Variants in NAV3 observed in about 807,000 individuals in gnomAD.
NAV3 encodes pore membrane and/or filament interacting like protein 1.
NAV3 carries 87 observed loss-of-function variants against 244.7 expected under a neutral mutation model. The ratio of observed to expected loss-of-function variants is 0.36; its 90% CI spans 0.30 to 0.42. The LOEUF is 0.42. NAV3 is among the 20% of genes least tolerant of loss of function. NAV3 has a pLI of 1.00. For missense variants in NAV3, 2,663 were observed against 2,893.3 expected, an observed-to-expected ratio of 0.92 and a Z score of 1.83; for synonymous variants, 1,126 against 1,042.2, an observed-to-expected ratio of 1.08 and a Z score of -1.55.
At chr12:77,951,443 A>G (rs909482616) in intron 3 of NAV3, among the ~76,000 whole-genome samples, 2 of 152,144 alleles carry the variant, frequency 1.3e-5, no homozygotes, top group African/African-American at 4.8e-5. Flanking sequence ...GGATGTGGAG[A>G]AATGGGAACA....
At chr12:78,170,633 A>G (rs1212222390) in intron 24 of NAV3, among the ~76,000 whole-genome samples, 1 of 151,770 alleles carries the variant, frequency 6.6e-6, no homozygotes, top group Admixed American at 6.6e-5. Flanking sequence ...TTCATAACCA[A>G]TTAAGTGCCA....
intron 2 of NAV3, among the ~76,000 whole-genome samples, chr12:77,759,056 G>C (rs1371179133): frequency 6.6e-6 from 1 of 152,190 alleles, no homozygotes; most frequent in African/African-American, 2.4e-5. Flanking sequence ...GTGGCTAGCA[G>C]CTGCCACATT....
intron 12 of NAV3, among the ~76,000 whole-genome samples, chr12:78,086,515 T>C (rs1953646754): frequency 6.6e-6 from 1 of 152,100 alleles, no homozygotes; most frequent in Admixed American, 6.6e-5. Flanking sequence ...CACATACTTA[T>C]TGCTACCAAT....
chr12:77,692,689 T>C (rs1875091041), intron 2 of NAV3, among the ~76,000 whole-genome samples: 1 of 152,126 alleles, frequency 6.6e-6, no homozygotes. Context: ...TATGTTTCAT[T>C]GTTCAGTCAT....
At chr12:77,711,489 G>A (rs572235923) in intron 2 of NAV3, among the ~76,000 whole-genome samples, 2 of 152,306 alleles carry the variant, frequency 1.3e-5, no homozygotes, top group Middle Eastern at 3.4e-3. Flanking sequence ...AATGGGAAAA[G>A]GGTCAAGAAC....
chr12:78,078,230 G>A (rs1953152242), intron 12 of NAV3, among the ~76,000 whole-genome samples: 1 of 152,122 alleles, frequency 6.6e-6, no homozygotes, highest in Non-Finnish European at 1.5e-5. Context: ...ATATTCTGAG[G>A]TTCTAGGGTT....
chr12:78,211,471 CTTTTT>C lies in NAV3; in HGVS notation c.*964_*968del. The C allele has an allele frequency of 6.9e-6, 1 of 144,754 alleles. No homozygotes were observed. The highest frequency in any genetic ancestry group is 1.5e-5 in the Non-Finnish European group (1 of 66,252). 9.0% of individuals were successfully genotyped at this position (144,754 alleles called of 1,614,324 possible). ...TAGCCTCATCTCTATATATCTTTCT[CTTTTT>C]TTTTTTTTTGAAGAAATGGATAGGA... On this transcript the variant is annotated 3_prime_UTR_variant, in exon 40 of 40. Transcript: ENST00000397909.
Position 77,654,294 on chromosome 12 carries a change from G to A in NAV3, c.72+82028G>A, listed in dbSNP as rs144803726. ...ACGGGCTTAAAAAATGGCGCGCCAC[G>A]AGATTATATCCTGCACCTGGCTCGG... On this transcript the variant is annotated intron_variant, in intron 2 of 8. Transcript: ENST00000550042. 6.2e-3 allele frequency among the ~76,000 whole-genome samples: 944 copies of A among 152,376 alleles called. 8 individuals carry two copies. Among genetic ancestry groups the A allele is most frequent in the Admixed American group, 0.049 (743 of 15,300 alleles).
rs143882404 is a variant in NAV3, at chr12:77,883,145, A to T, written c.243+51441A>T. On this transcript the variant is annotated intron_variant, in intron 1 of 39. Coordinates refer to ENST00000397909, the MANE Select transcript of NAV3 (RefSeq NM_001024383.2). Reference sequence around the variant, plus strand: ...AAAAGACACATGCACTCATAAGTTCATCCCCATGCTGTTCACAATAGGAAA... The same window carrying T: ...AAAAGACACATGCACTCATAAGTTCTTCCCCATGCTGTTCACAATAGGAAA... 2.5e-3 allele frequency among the ~76,000 whole-genome samples: 374 copies of T among 152,302 alleles called. 4 individuals carry two copies. The highest frequency in any genetic ancestry group is 8.5e-3 in the African/African-American group (352 of 41,584).
At chr12:77,844,073 G>A (rs1225633879) in intron 1 of NAV3, among the ~76,000 whole-genome samples, 2 of 152,252 alleles carry the variant, frequency 1.3e-5, no homozygotes, top group Non-Finnish European at 2.9e-5. Context: ...TTTAATCAGT[G>A]CATTTGTGCT....
At chr12:78,007,488 A>T (rs1012883676) in intron 8 of NAV3, 43 bp downstream of exon 8, 1 of 1,566,542 alleles carries the variant, frequency 6.4e-7, no homozygotes. Context: ...ATATATTTAC[A>T]GGCCTACATA....
chr12:77,868,581 C>A (rs1221255420), intron 1 of NAV3, among the ~76,000 whole-genome samples: 1 of 151,558 alleles, frequency 6.6e-6, no homozygotes, highest in Admixed American at 6.6e-5. Flanking sequence ...CATGGTGAAA[C>A]CCCATCTCTA....
intron 12 of NAV3, among the ~76,000 whole-genome samples, chr12:78,094,979 G>A (rs1210715490): frequency 6.6e-6 from 1 of 151,134 alleles, no homozygotes; most frequent in Non-Finnish European, 1.5e-5. Context: ...CCCAGGAGGC[G>A]AGGGTTGCAG....
chr12:78,186,889 C>A (rs959009379), intron 31 of NAV3, among the ~76,000 whole-genome samples: 1 of 151,834 alleles, frequency 6.6e-6, no homozygotes, highest in African/African-American at 2.4e-5. Flanking sequence ...CATGCTGTGT[C>A]TTCACACAGT....
chr12:77,913,488 A>G (rs1394054445), intron 1 of NAV3, among the ~76,000 whole-genome samples: 1 of 152,060 alleles, frequency 6.6e-6, no homozygotes, highest in Admixed American at 6.6e-5. Flanking sequence ...GCTGGAGTGC[A>G]GTGGCGCAAT....
chr12:77,835,283 C>A (rs184713384), intron 1 of NAV3, among the ~76,000 whole-genome samples: 166 of 152,306 alleles, frequency 1.1e-3, no homozygotes, highest in Admixed American at 9.9e-3. Context: ...TTGTTCTAGG[C>A]AGCCATGTGC....
chr12:77,759,001 G>T (rs1403213170), intron 2 of NAV3, among the ~76,000 whole-genome samples: 1 of 152,132 alleles, frequency 6.6e-6, no homozygotes, highest in African/African-American at 2.4e-5. Flanking sequence ...AAGCTGATGT[G>T]GTCTCAATTT....
chr12:77,832,573 CAT>C (rs1873905273), intron 1 of NAV3, among the ~76,000 whole-genome samples: 1 of 152,116 alleles, frequency 6.6e-6, no homozygotes. Flanking sequence ...GTGTAATAAT[CAT>C]ATCAGGGTAA....
chr12:77,778,613 G>GAAAAAAAAAAAA (rs746919824), intron 2 of NAV3, among the ~76,000 whole-genome samples: 1 of 58,160 alleles, frequency 1.7e-5, no homozygotes, highest in African/African-American at 5.9e-5. Context: ...CTCCGTCTCA[G>GAAAAAAAAAAAA]AAAAAAAAAA....
Sources: gnomAD v4.1 joint callset for allele counts (sites outside exome capture counted in the v4.1 genomes callset) on GRCh38, gnomAD v4.1.1 for gene constraint, MANE v1.5 for transcripts, NCBI Gene and HGNC (gene_info 2026-07-23, HGNC 2026-07-21) for gene names.